LCP1: variants seen among roughly 807,000 people sequenced by gnomAD.
The protein encoded by LCP1 is plastin-2.
In LCP1, 23 loss-of-function variants were observed where a neutral mutation model predicts 72.0. The observed-to-expected ratio is 0.32, with a 90% CI of 0.23 to 0.45. The LOEUF is 0.45. LCP1 is among the 20% of genes least tolerant of loss of function. The pLI is 1.00. For synonymous variants in LCP1, 245 were observed against 275.4 expected (o/e 0.89, Z 1.09); for missense variants, 571 against 748.3 (o/e 0.76, Z 2.76).
intron 4 of LCP1, among the ~76,000 whole-genome samples, chr13:46,157,984 C>T (rs895280053): frequency 2.0e-5 from 3 of 152,064 alleles, no homozygotes; most frequent in Non-Finnish European, 4.4e-5. Flanking sequence ...GCCTTGGCCT[C>T]CCAAAGTGCT....
At chr13:46,134,393 C>T in intron 13 of LCP1, 143 bp from the exon 14 acceptor site, 1 of 654,390 alleles carries the variant, frequency 1.5e-6, no homozygotes, top group Non-Finnish European at 2.5e-6. Context: ...AAAAAAAGAA[C>T]ATATTACAAC....
Position 46,158,568 on chromosome 13 carries a change from A to T in LCP1, c.312T>A (p.Gly104=). The T allele has an allele frequency of 6.2e-7, 1 of 1,614,168 alleles. No homozygotes were observed. The highest frequency in any genetic ancestry group is 8.5e-7 in the Non-Finnish European group (1 of 1,180,024). The change falls in exon 4 of 16, where the codon GGT becomes GGA. Residue 104 remains glycine (G), a synonymous_variant. Coordinates refer to ENST00000323076, the MANE Select transcript of LCP1 (RefSeq NM_002298.5). ...CAACGCTAGACTGCTCTGAAGTACCACCGATTGCACAAATCCCTTCCTTCT... is the reference window on the plus strand; with the variant it reads ...CAACGCTAGACTGCTCTGAAGTACCTCCGATTGCACAAATCCCTTCCTTCT... ...INKKEGICAI[G]GTSEQSSVGT...
At position 46,156,418 on chromosome 13, in the gene LCP1, A is replaced by G; in HGVS notation, c.491+20T>C. On this transcript the variant is annotated intron_variant, in intron 5 of 15. Coordinates refer to ENST00000323076, the MANE Select transcript of LCP1 (RefSeq NM_002298.5). ...GAAAATGGGCAATTCTTTGGAAACCAAGAAAGAAGTATTATTTACCAAAGG... is the reference window on the plus strand; with the variant it reads ...GAAAATGGGCAATTCTTTGGAAACCGAGAAAGAAGTATTATTTACCAAAGG... 2 of 1,607,564 alleles carry G rather than the reference A, an allele frequency of 1.2e-6. No individual in the cohort carries two copies. The highest frequency in any genetic ancestry group is 1.7e-6 in the Non-Finnish European group (2 of 1,176,030).
At position 46,152,828 on chromosome 13, in the gene LCP1, C is replaced by T. The variant is rs1426418742; in HGVS notation, c.691G>A (p.Val231Ile). ...PYLVLGLLWQ[V>I]IKIGLFADIE... ...TCAGCAAACAACCCAATCTTGATGACTTGCCACAGAAGTCCCAGGACCAGA... is the reference window on the plus strand; with the variant it reads ...TCAGCAAACAACCCAATCTTGATGATTTGCCACAGAAGTCCCAGGACCAGA... Residue 231 changes from valine to isoleucine, a missense_variant, in exon 7 of 16, where the codon GTC (valine) becomes ATC (isoleucine). By Grantham distance (29) the Val-to-Ile change is conservative. Transcript: ENST00000323076. The T allele has an allele frequency of 1.2e-6, 2 of 1,614,132 alleles. No homozygotes were observed. The highest frequency in any genetic ancestry group is 1.7e-5 in the Admixed American group (1 of 60,024).
chr13:46,131,858 G>C (rs1482453437), intron 14 of LCP1, among the ~76,000 whole-genome samples: 1 of 152,104 alleles, frequency 6.6e-6, no homozygotes, highest in African/African-American at 2.4e-5. Context: ...ATACAAGCAG[G>C]GGGAGGGTGG....
At chr13:46,148,821 TA>T (rs1394907727) in intron 8 of LCP1, 66 of 908,348 alleles carry the variant, frequency 7.3e-5, no homozygotes, top group East Asian at 1.2e-4. Context: ...AAGGTTTAAT[TA>T]AAAAAAAGTG....
chr13:46,130,701 C>T (rs760815469), intron 15 of LCP1, 113 bp downstream of exon 15: 306 of 1,289,814 alleles, frequency 2.4e-4, no homozygotes, highest in African/African-American at 4.9e-4. Context: ...AGGAAAAGCA[C>T]GGATAGTGAA....
chr13:46,171,089 T>G (rs2045902478), intron 1 of LCP1, among the ~76,000 whole-genome samples: 1 of 152,228 alleles, frequency 6.6e-6, no homozygotes, highest in South Asian at 2.1e-4. Context: ...AAAGACCAGT[T>G]GGTCAGTAAT....
chr13:46,165,752 TC>T (rs948663026), intron 1 of LCP1, among the ~76,000 whole-genome samples: 11 of 152,180 alleles, frequency 7.2e-5, no homozygotes, highest in African/African-American at 2.7e-4. Flanking sequence ...ATCTGGGAAA[TC>T]CCCTTCTGAA....
At chr13:46,129,558 C>G (rs1267320020) in intron 15 of LCP1, among the ~76,000 whole-genome samples, 3 of 152,192 alleles carry the variant, frequency 2.0e-5, no homozygotes, top group Admixed American at 1.3e-4. Flanking sequence ...TTCCACACCT[C>G]TCATCACAAT....
intron 6 of LCP1, 75 bp from the exon 7 acceptor site, chr13:46,153,020 C>T (rs2045778388): frequency 7.2e-7 from 1 of 1,396,186 alleles, no homozygotes; most frequent in Admixed American, 2.4e-5. Context: ...GCAACAGTAA[C>T]AATGTTTTCC....
At chr13:46,176,216 C>T (rs1224422841) in intron 1 of LCP1, among the ~76,000 whole-genome samples, 1 of 152,012 alleles carries the variant, frequency 6.6e-6, no homozygotes, top group Non-Finnish European at 1.5e-5. Context: ...ATGTTTCCAG[C>T]ACAAGAAATA....
chr13:46,141,693 A>C (rs548070521), intron 13 of LCP1, among the ~76,000 whole-genome samples: 1 of 152,204 alleles, frequency 6.6e-6, no homozygotes, highest in Non-Finnish European at 1.5e-5. Flanking sequence ...AGCTGAAATC[A>C]CTCATCACCA....
intron 4 of LCP1, among the ~76,000 whole-genome samples, chr13:46,157,697 A>AACC (rs1272058756): frequency 9.9e-5 from 15 of 151,990 alleles, no homozygotes; most frequent in Non-Finnish European, 1.8e-4. Flanking sequence ...CAAAAGGCCA[A>AACC]ACGTTGTCTT....
intron 10 of LCP1, among the ~76,000 whole-genome samples, chr13:46,144,808 A>G (rs939821106): frequency 6.6e-6 from 1 of 152,132 alleles, no homozygotes; most frequent in Non-Finnish European, 1.5e-5. Flanking sequence ...AAAAAACAGG[A>G]CTTTTAGGCA....
intron 15 of LCP1, 135 bp from the exon 16 acceptor site, chr13:46,127,858 G>T: frequency 9.9e-7 from 1 of 1,014,084 alleles, no homozygotes; most frequent in Non-Finnish European, 1.4e-6. Context: ...TCAGTCACCA[G>T]CATCCTCACA....
At chr13:46,128,138 G>T (rs986139898) in intron 15 of LCP1, among the ~76,000 whole-genome samples, 1 of 151,772 alleles carries the variant, frequency 6.6e-6, no homozygotes, top group Non-Finnish European at 1.5e-5. Flanking sequence ...ACTACAGCAC[G>T]TGCTGCCACT....
chr13:46,131,042 C>CA, intron 14 of LCP1, 104 bp from the exon 15 acceptor site: 1 of 1,161,592 alleles, frequency 8.6e-7, no homozygotes. Flanking sequence ...ATAATATATA[C>CA]AGCCTGGTCT....
chr13:46,159,486 C>T (rs1180355808), intron 2 of LCP1, 113 bp downstream of exon 2: 2 of 809,568 alleles, frequency 2.5e-6, no homozygotes, highest in Admixed American at 2.2e-5. Flanking sequence ...ACAAATACTA[C>T]TGGTTTCTTG....
Sources: gnomAD v4.1 joint callset for allele counts (sites outside exome capture counted in the v4.1 genomes callset) on GRCh38, gnomAD v4.1.1 for gene constraint, MANE v1.5 for transcripts, NCBI Gene and HGNC (gene_info 2026-07-23, HGNC 2026-07-21) for gene names.